The following IQCF2 variants were observed in gnomAD, a reference collection of about 807,000 sequenced individuals.
IQCF2 encodes the protein IQ domain-containing protein F2.
In IQCF2, 6 loss-of-function variants were observed where a neutral mutation model predicts 7.0. The ratio of observed to expected loss-of-function variants is 0.86; its 90% confidence interval spans 0.47 to 1.70. The LOEUF is 1.70. Ranked by LOEUF, IQCF2 falls within the 40% of genes most tolerant of loss-of-function variation. The pLI is 0.01. For missense variants in IQCF2, 174 were observed against 204.6 expected, an observed-to-expected ratio of 0.85 and a Z score of 0.91; for synonymous variants, 67 against 74.0, an observed-to-expected ratio of 0.91 and a Z score of 0.48.
chr3:51,862,869 T>G (rs1698652717), intron 2 of IQCF2, 118 bp from the exon 3 acceptor site: 3 of 1,282,340 alleles, frequency 2.3e-6, no homozygotes, highest in Admixed American at 4.5e-5. Context: ...TCCTGCTAAC[T>G]TCCCTGAATT....
In IQCF2 at chr3:51,863,266, G is replaced by A; in HGVS notation, c.391G>A (p.Gly131Ser). The A allele has an allele frequency of 6.2e-7, 1 of 1,614,132 alleles. No individual in the cohort carries two copies. Among genetic ancestry groups the A allele is most frequent in the Non-Finnish European group, 8.5e-7 (1 of 1,180,024 alleles). Residue 131 changes from glycine to serine, a missense_variant, in exon 3 of 3, where the codon GGC becomes AGC. Gly to Ser is a moderately conservative substitution (Grantham distance 56). Transcript: ENST00000333127. ...QVLNAIYIIQ[G>S]HWQCHNCQTC... is the part of the protein sequence containing the mutation. Reference sequence around the variant, plus strand: ...GCTCAATGCCATCTACATCATCCAGGGCCACTGGCAATGCCACAACTGCCA... The same window carrying A: ...GCTCAATGCCATCTACATCATCCAGAGCCACTGGCAATGCCACAACTGCCA...
chr3:51,862,115 C>A (rs1445756870), intron 2 of IQCF2, among the ~76,000 whole-genome samples, 165 bp downstream of exon 2: 2 of 152,052 alleles, frequency 1.3e-5, no homozygotes, highest in Admixed American at 6.6e-5. Context: ...TGGATCTGGG[C>A]CTGACTGAGA....
rs1295704573 is a variant in IQCF2, at chr3:51,863,058, G to A, written c.183G>A (p.Arg61=). Residue 61 remains arginine (R), a synonymous_variant, in exon 3 of 3, where the codon AGG becomes AGA. Coordinates refer to ENST00000333127, the MANE Select transcript of IQCF2 (RefSeq NM_203424.2). ...QAWWRGTLVR[R]TLLHAALRAW... ...GGTGGCGGGGCACCCTGGTGCGCAG[G>A]ACACTGCTGCATGCAGCCCTCAGGG... The A allele has an allele frequency of 6.2e-7, 1 of 1,614,248 alleles. No homozygotes were observed. The highest frequency in any genetic ancestry group is 1.3e-5 in the African/African-American group (1 of 75,064).
At chr3:51,862,344 A>G (rs778772523) in intron 2 of IQCF2, among the ~76,000 whole-genome samples, 1 of 142,266 alleles carries the variant, frequency 7.0e-6, no homozygotes, top group Non-Finnish European at 1.5e-5. Context: ...CGGAGCTTGC[A>G]GTGAGCCAAG....
At position 51,861,894 on chromosome 3, in the gene IQCF2, G is replaced by A; in HGVS notation, c.55G>A (p.Val19Ile). 6.2e-7 allele frequency: 1 copy of A among 1,614,058 alleles called. No homozygotes were observed. Among genetic ancestry groups the A allele is most frequent in the Non-Finnish European group, 8.5e-7 (1 of 1,179,960 alleles). The change falls in exon 2 of 3, where the codon GTT (valine) becomes ATT (isoleucine). Residue 19 changes from valine to isoleucine, a missense_variant. Physicochemically the swap from Val to Ile is conservative, Grantham distance 29 (BLOSUM62 3). Transcript: ENST00000333127. ...TTTAATTTTGGTTATAATTGAGGATGTTGAAGAAAGCATTGAATGGAAGAC... is the reference window on the plus strand; with the variant it reads ...TTTAATTTTGGTTATAATTGAGGATATTGAAGAAAGCATTGAATGGAAGAC... ...GNLILVIIEDVEESIEWKTLQ... is the reference protein window; with the variant it reads ...GNLILVIIEDIEESIEWKTLQ...
At chr3:51,861,734 C>T (rs747506410) in intron 1 of IQCF2, 50 bp downstream of exon 1, 2 of 1,607,728 alleles carry the variant, frequency 1.2e-6, no homozygotes, top group Middle Eastern at 1.7e-4. Flanking sequence ...GGGTGGGTAT[C>T]TCCCTGGGCT....
chr3:51,861,817 CT>C lies in IQCF2; in HGVS notation c.19-39del, dbSNP rs1698639964. On this transcript the variant is annotated intron_variant, in intron 1 of 2. Transcript: ENST00000333127. The stretch of plus-strand genomic sequence containing the variant: ...GTATAGAGCCATAGAGAGAAACAGT[CT>C]TAACTCATTTATGTACTTCCCATTT... The C allele has an allele frequency of 1.9e-6, 3 of 1,575,814 alleles. No homozygotes were observed. In the East Asian group the frequency reaches 6.7e-5, roughly 35 times the overall value.
In IQCF2 at chr3:51,863,123, G is replaced by T; in HGVS notation, c.248G>T (p.Arg83Met). The change falls in exon 3 of 3, where the codon AGG becomes ATG. Residue 83 changes from arginine (R) to methionine (M), a missense_variant. By Grantham distance (91) the Arg-to-Met change is moderately conservative. Coordinates refer to ENST00000333127, the MANE Select transcript of IQCF2 (RefSeq NM_203424.2). The stretch of plus-strand genomic sequence containing the variant: ...TGCTGGTGGCGGATGACGCTGTCGA[G>T]GGTGCTGGAGAAGAAACGGCAGGCA... ...IQCWWRMTLS[R>M]VLEKKRQAAL... 1 of 1,614,252 alleles carries T rather than the reference G, an allele frequency of 6.2e-7. No homozygotes were observed. Among genetic ancestry groups the T allele is most frequent in the Non-Finnish European group, 8.5e-7 (1 of 1,180,050 alleles).
Position 51,863,143 on chromosome 3 carries a change from C to T in IQCF2, c.268C>T (p.Gln90Ter), listed in dbSNP as rs1698656667. The change falls in exon 3 of 3, where the codon CAG becomes TAG. Residue 90 changes from glutamine (Q) to a stop codon, truncating the protein, a stop_gained. Coordinates refer to ENST00000333127, the MANE Select transcript of IQCF2 (RefSeq NM_203424.2). LOFTEE classifies it low-confidence loss of function (END_TRUNC). The stretch of plus-strand genomic sequence containing the variant: ...GTCGAGGGTGCTGGAGAAGAAACGG[C>T]AGGCAGCTCTGATCGCCTACGCAAC... ...TLSRVLEKKR[Q>*]AALIAYATRE... is the part of the protein sequence containing the mutation. 1 of 1,614,248 alleles carries T rather than the reference C, an allele frequency of 6.2e-7. No homozygotes were observed. Among genetic ancestry groups the T allele is most frequent in the Admixed American group, 1.7e-5 (1 of 60,036 alleles).
Position 51,863,386 on chromosome 3 carries a change from G to C in IQCF2, c.*16G>C. On this transcript the variant is annotated 3_prime_UTR_variant, in exon 3 of 3. Transcript: ENST00000333127. ...CAACTCCTAAGGGCTGGCAAGAAGG[G>C]CACTGTGTCTACTGTCCCTATTAAA... The C allele has an allele frequency of 6.2e-7, 1 of 1,610,024 alleles. No homozygotes were observed. The highest frequency in any genetic ancestry group is 8.5e-7 in the Non-Finnish European group (1 of 1,178,240).
Position 51,861,751 on chromosome 3 carries a change from G to A in IQCF2, c.18+67G>A, listed in dbSNP as rs368651750. Reference sequence around the variant, plus strand: ...GTGGGTATCTCCCTGGGCTTTACAGGACTTGAGAAAAGAGAGGATGTTAAA... The same window carrying A: ...GTGGGTATCTCCCTGGGCTTTACAGAACTTGAGAAAAGAGAGGATGTTAAA... On this transcript the variant is annotated intron_variant, in intron 1 of 2. Transcript: ENST00000333127. 321 of 1,597,100 alleles carry A rather than the reference G, an allele frequency of 2.0e-4. 1 individual carries two copies. Among genetic ancestry groups the A allele is most frequent in the Middle Eastern group, 1.2e-3 (7 of 6,026 alleles).
intron 2 of IQCF2, 139 bp from the exon 3 acceptor site, chr3:51,862,848 C>G: frequency 9.8e-7 from 1 of 1,018,732 alleles, no homozygotes; most frequent in Non-Finnish European, 1.4e-6. Context: ...TCTGATGGCT[C>G]CTAGTCAGTG....
At chr3:51,862,434 A>G (rs1364417784) in intron 2 of IQCF2, among the ~76,000 whole-genome samples, 2 of 149,066 alleles carry the variant, frequency 1.3e-5, no homozygotes, top group African/African-American at 2.4e-5. Context: ...AATGAAAGCC[A>G]TCAAGAAATG....
Position 51,863,145 on chromosome 3 carries a change from G to A in IQCF2, c.270G>A (p.Gln90=). 6.2e-7 allele frequency: 1 copy of A among 1,614,238 alleles called. No homozygotes were observed. Among genetic ancestry groups the A allele is most frequent in the Non-Finnish European group, 8.5e-7 (1 of 1,180,048 alleles). The change falls in exon 3 of 3, where the codon CAG becomes CAA. Residue 90 remains glutamine (Q), a synonymous_variant. Transcript: ENST00000333127. ...CGAGGGTGCTGGAGAAGAAACGGCA[G>A]GCAGCTCTGATCGCCTACGCAACCA... ...TLSRVLEKKR[Q]AALIAYATRE... is the part of the protein sequence containing the mutation.
In IQCF2 at chr3:51,863,242, C is replaced by A; in HGVS notation, c.367C>A (p.Leu123Ile). The part of the protein sequence containing the change: ...WRVRWRYCQV[L>I]NAIYIIQGHW... ...TGTCCGCTGGCGATACTGCCAGGTG[C>A]TCAATGCCATCTACATCATCCAGGG... Residue 123 changes from leucine (L) to isoleucine (I), a missense_variant, in exon 3 of 3, where the codon CTC (leucine) becomes ATC (isoleucine). Physicochemically the swap from Leu to Ile is conservative, Grantham distance 5. Coordinates refer to ENST00000333127, the MANE Select transcript of IQCF2 (RefSeq NM_203424.2). 1 of 1,614,224 alleles carries A rather than the reference C, an allele frequency of 6.2e-7. No homozygotes were observed. Among genetic ancestry groups the A allele is most frequent in the Non-Finnish European group, 8.5e-7 (1 of 1,180,044 alleles).
chr3:51,863,061 A>C lies in IQCF2; in HGVS notation c.186A>C (p.Thr62=). The C allele has an allele frequency of 6.2e-7, 1 of 1,614,252 alleles. No homozygotes were observed. Among genetic ancestry groups the C allele is most frequent in the Non-Finnish European group, 8.5e-7 (1 of 1,180,046 alleles). The change falls in exon 3 of 3, where the codon ACA becomes ACC. Residue 62 remains threonine (T), a synonymous_variant. Transcript: ENST00000333127. ...AWWRGTLVRR[T]LLHAALRAWI... The stretch of plus-strand genomic sequence containing the variant: ...GGCGGGGCACCCTGGTGCGCAGGAC[A>C]CTGCTGCATGCAGCCCTCAGGGCCT...
rs559700417 is a variant in IQCF2 at position 51,863,362 on chromosome 3, A to G, written c.487A>G (p.Asn163Asp). 3 of 1,613,478 alleles carry G rather than the reference A, an allele frequency of 1.9e-6. No individual in the cohort carries two copies. The highest frequency in any genetic ancestry group is 1.1e-5 in the South Asian group (1 of 91,064). ...THLQFHIEII[N>D]S ...CCTGCAGTTCCACATTGAGATCATC[A>G]ACTCCTAAGGGCTGGCAAGAAGGGC... The change falls in exon 3 of 3, where the codon AAC becomes GAC. Residue 163 changes from asparagine (N) to aspartate (D), a missense_variant. By Grantham distance (23) the Asn-to-Asp change is conservative. Coordinates refer to ENST00000333127, the MANE Select transcript of IQCF2 (RefSeq NM_203424.2).
Position 51,863,067 on chromosome 3 carries a change from G to A in IQCF2, c.192G>A (p.Leu64=). 6.2e-7 allele frequency: 1 copy of A among 1,614,264 alleles called. No individual in the cohort carries two copies. The highest frequency in any genetic ancestry group is 8.5e-7 in the Non-Finnish European group (1 of 1,180,056). Residue 64 remains leucine (L), a synonymous_variant, in exon 3 of 3, where the codon CTG becomes CTA. Transcript: ENST00000333127. ...WRGTLVRRTL[L]HAALRAWIIQ... is the part of the protein sequence containing the mutation. ...GCACCCTGGTGCGCAGGACACTGCT[G>A]CATGCAGCCCTCAGGGCCTGGATAA...
rs575589288 is a variant in IQCF2 at position 51,862,095 on chromosome 3, C to A, written c.111+145C>A. On this transcript the variant is annotated intron_variant, in intron 2 of 2. Coordinates refer to ENST00000333127, the MANE Select transcript of IQCF2 (RefSeq NM_203424.2). ...ATTTTTCCTCCATTCTCTTCTCAGT[C>A]TGGGCTGTCTGGATCTGGGCCTGAC... The A allele has an allele frequency of 6.6e-5, 42 of 633,752 alleles. No homozygotes were observed. In the South Asian group the frequency reaches 8.3e-4, roughly 13 times the overall value. 39.3% of individuals were successfully genotyped at this position (633,752 alleles called of 1,614,324 possible).
Sources: allele counts gnomAD v4.1 joint callset (sites outside exome capture counted in the v4.1 genomes callset), GRCh38; gene constraint gnomAD v4.1.1; transcripts MANE v1.5; gene names NCBI Gene and HGNC (gene_info 2026-07-23, HGNC 2026-07-21).